The following FARS2 variants were observed in gnomAD, a reference collection of about 807,000 sequenced individuals.
FARS2 encodes the protein phenylalanyl-tRNA synthetase 2, mitochondrial.
Under a neutral mutation model 46.4 loss-of-function variants are expected in FARS2, and 40 were observed. The observed-to-expected ratio is 0.86, with a 90% CI of 0.67 to 1.12. The LOEUF (loss-of-function observed/expected upper bound fraction) is 1.12, where lower values mean the gene tolerates loss of function less well. Among genes scored for constraint, FARS2 ranks in the 50% most tolerant of loss-of-function variants. The pLI is 0.00. For synonymous variants in FARS2, 234 were observed against 214.9 expected, an observed-to-expected ratio of 1.09 and a Z score of -0.78; for missense variants, 513 against 567.9, an observed-to-expected ratio of 0.90 and a Z score of 0.98.
intron 5 of FARS2, among the ~76,000 whole-genome samples, chr6:5,597,353 G>C (rs1774258026): frequency 6.6e-6 from 1 of 152,162 alleles, no homozygotes; most frequent in South Asian, 2.1e-4. Context: ...GTCTGCTTCT[G>C]CTCCTGGTGC....
intron 4 of FARS2, among the ~76,000 whole-genome samples, chr6:5,531,968 T>C (rs1273668047): frequency 6.6e-6 from 1 of 152,240 alleles, no homozygotes; most frequent in African/African-American, 2.4e-5. Flanking sequence ...CTTCATTCAA[T>C]ACCACTGCTA....
chr6:5,564,190 G>A (rs1772182289), intron 5 of FARS2, among the ~76,000 whole-genome samples: 1 of 152,176 alleles, frequency 6.6e-6, no homozygotes. Flanking sequence ...GTAGAGTGAG[G>A]ACAGCAATTC....
At chr6:5,554,585 C>T (rs1771549071) in intron 5 of FARS2, among the ~76,000 whole-genome samples, 1 of 152,174 alleles carries the variant, frequency 6.6e-6, no homozygotes, top group African/African-American at 2.4e-5. Context: ...ACACTATTCA[C>T]CTGTACATTA....
At chr6:5,656,042 A>G (rs765878) in intron 6 of FARS2, among the ~76,000 whole-genome samples, 54,693 of 152,088 alleles carry the variant, frequency 0.36, 10,008 homozygotes, top group Middle Eastern at 0.52. Context: ...AACTCCAGGT[A>G]TGTTGGGTAT....
chr6:5,491,039 C>A (rs1465979058), intron 4 of FARS2, among the ~76,000 whole-genome samples: 1 of 152,196 alleles, frequency 6.6e-6, no homozygotes, highest in Non-Finnish European at 1.5e-5. Flanking sequence ...GTTTACACAT[C>A]AATAGATAAG....
At chr6:5,308,863 G>A (rs2127544680) in intron 1 of FARS2, among the ~76,000 whole-genome samples, 1 of 152,254 alleles carries the variant, frequency 6.6e-6, no homozygotes, top group Middle Eastern at 3.4e-3. Context: ...AAGATCAAAG[G>A]ACATATTTGA....
intron 4 of FARS2, among the ~76,000 whole-genome samples, chr6:5,456,551 G>T (rs7742913): frequency 1.3e-5 from 2 of 151,872 alleles, no homozygotes; most frequent in African/African-American, 2.4e-5. Flanking sequence ...GGCCAACATG[G>T]TGAAACCCCA....
intron 4 of FARS2, among the ~76,000 whole-genome samples, chr6:5,497,784 T>A (rs1767558773): frequency 6.6e-6 from 1 of 152,234 alleles, no homozygotes; most frequent in Non-Finnish European, 1.5e-5. Context: ...AGGAAATGTT[T>A]ATTTTTAAAA....
At chr6:5,315,716 C>CTCTT (rs70974188) in intron 1 of FARS2, among the ~76,000 whole-genome samples, 2 of 28,278 alleles carry the variant, frequency 7.1e-5, no homozygotes, top group African/African-American at 2.2e-4. Context: ...ATATTGATTT[C>CTCTT]TCTTTCTTTC....
chr6:5,346,053 G>T (rs1385792315), intron 1 of FARS2, among the ~76,000 whole-genome samples: 1 of 152,200 alleles, frequency 6.6e-6, no homozygotes, highest in Non-Finnish European at 1.5e-5. Context: ...ACTGGCCGGG[G>T]CGTCCTGTCC....
chr6:5,540,570 A>G (rs534500505), intron 4 of FARS2, among the ~76,000 whole-genome samples: 1 of 152,338 alleles, frequency 6.6e-6, no homozygotes, highest in African/African-American at 2.4e-5. Context: ...AGAGTGACTC[A>G]AAGAATCCAC....
intron 6 of FARS2, among the ~76,000 whole-genome samples, chr6:5,697,080 G>A (rs563803942): frequency 1.1e-3 from 165 of 152,050 alleles, no homozygotes; most frequent in African/African-American, 3.1e-3. Context: ...CCATGTATAC[G>A]TTAATACCTT....
At chr6:5,450,303 A>G (rs1764411531) in intron 4 of FARS2, among the ~76,000 whole-genome samples, 1 of 151,860 alleles carries the variant, frequency 6.6e-6, no homozygotes, top group Admixed American at 6.6e-5. Context: ...AAGCTTTCAG[A>G]AAGGCCTCCT....
At chr6:5,501,639 C>T (rs1767806855) in intron 4 of FARS2, among the ~76,000 whole-genome samples, 1 of 152,010 alleles carries the variant, frequency 6.6e-6, no homozygotes, top group Non-Finnish European at 1.5e-5. Flanking sequence ...GGACTACAGG[C>T]GTGAGCCACC....
chr6:5,667,247 C>G (rs1013878713), intron 6 of FARS2, among the ~76,000 whole-genome samples: 1 of 152,112 alleles, frequency 6.6e-6, no homozygotes, highest in Non-Finnish European at 1.5e-5. Flanking sequence ...TGGCTGGGCA[C>G]AGTGGCTCAC....
chr6:5,344,955 A>G (rs1193291923), intron 1 of FARS2, among the ~76,000 whole-genome samples: 1 of 151,720 alleles, frequency 6.6e-6, no homozygotes, highest in African/African-American at 2.4e-5. Context: ...ACACCTGACT[A>G]ATTTTTTTAT....
At chr6:5,740,845 C>A (rs1435897314) in intron 6 of FARS2, among the ~76,000 whole-genome samples, 1 of 152,220 alleles carries the variant, frequency 6.6e-6, no homozygotes, top group African/African-American at 2.4e-5. Context: ...CAGGCTCCGT[C>A]TTTTGTAGAC....
At chr6:5,447,729 T>C (rs1764260193) in intron 4 of FARS2, among the ~76,000 whole-genome samples, 1 of 152,096 alleles carries the variant, frequency 6.6e-6, no homozygotes, top group South Asian at 2.1e-4. Context: ...AAACAATAAA[T>C]GTTTACTGAG....
chr6:5,625,690 G>T (rs1304186665), intron 6 of FARS2, among the ~76,000 whole-genome samples: 2 of 152,248 alleles, frequency 1.3e-5, no homozygotes, highest in African/African-American at 4.8e-5. Flanking sequence ...CAGCGATCCA[G>T]TCATTGGCAG....
Sources: gnomAD v4.1 joint callset for allele counts (sites outside exome capture counted in the v4.1 genomes callset) on GRCh38, gnomAD v4.1.1 for gene constraint, MANE v1.5 for transcripts, NCBI Gene and HGNC (gene_info 2026-07-23, HGNC 2026-07-21) for gene names.